The following CENPN variants were observed in gnomAD, a reference collection of about 807,000 sequenced individuals.
CENPN encodes the protein interphase centromere complex protein 32.
A neutral mutation model predicts 48.6 loss-of-function variants in CENPN; 36 were observed. That is an observed-to-expected ratio of 0.74 (90% CI 0.57 to 0.98). CENPN has a LOEUF of 0.98. CENPN is among the 50% of genes least tolerant of loss of function. CENPN has a pLI of 0.00. For missense variants in CENPN, 439 were observed against 399.2 expected (o/e 1.10, Z -0.85); for synonymous variants, 166 against 135.2 (o/e 1.23, Z -1.58).
chr16:81,010,390 G>A (rs1011140046), intron 1 of CENPN, among the ~76,000 whole-genome samples: 9 of 152,110 alleles, frequency 5.9e-5, no homozygotes, highest in African/African-American at 1.4e-4. Flanking sequence ...TCCTGCAGCC[G>A]CTAGGTCATT....
intron 9 of CENPN, among the ~76,000 whole-genome samples, chr16:81,027,918 TG>T: frequency 6.6e-6 from 1 of 152,302 alleles, no homozygotes; most frequent in South Asian, 2.1e-4. Flanking sequence ...TTGGCCAGGC[TG>T]GTCTCAAACT....
Position 81,020,264 on chromosome 16 carries a change from G to C in CENPN, c.519G>C (p.Pro173=). The change falls in exon 6 of 11, where the codon CCG becomes CCC. Residue 173 remains proline, a synonymous_variant. Transcript: ENST00000305850. ...CCTCCATGCTGAGGCGCAATACACCGCTTCTGGGTCAGGTATGGAAAAAAT... is the reference window on the plus strand; with the variant it reads ...CCTCCATGCTGAGGCGCAATACACCCCTTCTGGGTCAGGTATGGAAAAAAT... ...TSSSMLRRNT[P]LLGQALTIAS... 6.2e-7 allele frequency: 1 copy of C among 1,609,788 alleles called. No homozygotes were observed. Among genetic ancestry groups the C allele is most frequent in the Non-Finnish European group, 8.5e-7 (1 of 1,178,874 alleles).
Position 81,025,463 on chromosome 16 carries a change from T to C in CENPN, c.697+685T>C, listed in dbSNP as rs527867617. On this transcript the variant is annotated intron_variant, in intron 8 of 10. Transcript: ENST00000305850. ...AGTGCCACTGTTATAAACTAAACAC[T>C]TTTATGATTTTCCAGTGTCATAGGA... Among the ~76,000 whole-genome samples, 3 of 152,314 alleles carry C rather than the reference T, an allele frequency of 2.0e-5. No homozygotes were observed. In the East Asian group the frequency reaches 5.8e-4, roughly 29 times the overall value.
rs147964429 is a variant in CENPN at position 81,008,178 on chromosome 16, A to G, written c.-11+901A>G. Among the ~76,000 whole-genome samples, 20 of 152,240 alleles carry G rather than the reference A, an allele frequency of 1.3e-4. No individual in the cohort carries two copies. The East Asian group carries it at 3.1e-3, about 24-fold the overall frequency. The stretch of plus-strand genomic sequence containing the variant: ...GTTTACTAAAGGGATTTCCGTCTTA[A>G]TTGGTGAGACTGAGGGCGCTCTACC... On this transcript the variant is annotated intron_variant, in intron 1 of 10. Coordinates refer to ENST00000305850, the MANE Select transcript of CENPN (RefSeq NM_001100624.3).
chr16:81,026,377 A>G (rs1382211871), intron 8 of CENPN, 149 bp from the exon 9 acceptor site: 5 of 395,582 alleles, frequency 1.3e-5, no homozygotes, highest in Non-Finnish European at 2.3e-5. Flanking sequence ...ACTTCCCTAC[A>G]CTAAGAAATT....
intron 6 of CENPN, among the ~76,000 whole-genome samples, chr16:81,021,759 C>CTT (rs374473140): frequency 2.8e-5 from 4 of 144,072 alleles, no homozygotes; most frequent in Non-Finnish European, 3.1e-5. Context: ...GGCTAATGTT[C>CTT]TTTTTTTTTT....
chr16:81,028,145 A>T (rs534295880), intron 9 of CENPN, 26 bp from the exon 10 acceptor site: 17 of 1,510,348 alleles, frequency 1.1e-5, no homozygotes, highest in Non-Finnish European at 1.5e-5. Flanking sequence ...TATGTTTAAT[A>T]GTCATTTATA....
intron 1 of CENPN, among the ~76,000 whole-genome samples, chr16:81,009,920 C>G (rs1263911362): frequency 6.6e-6 from 1 of 152,184 alleles, no homozygotes; most frequent in Non-Finnish European, 1.5e-5. Flanking sequence ...GTTTGCAGAC[C>G]ACGCGCGGTG....
intron 5 of CENPN, 23 bp from the exon 6 acceptor site, chr16:81,020,077 C>CTTTTTTTTTTTTTTTTTTTT (rs10602593): frequency 9.8e-7 from 1 of 1,015,488 alleles, no homozygotes. Flanking sequence ...GAAATTAAGC[C>CTTTTTTTTTTTTTTTTTTTT]TTTTTTTTTT....
At chr16:81,011,646 C>A (rs1333226110) in intron 1 of CENPN, among the ~76,000 whole-genome samples, 1 of 152,124 alleles carries the variant, frequency 6.6e-6, no homozygotes, top group Non-Finnish European at 1.5e-5. Context: ...TAAAACACTG[C>A]AAAATAGCTG....
intron 5 of CENPN, among the ~76,000 whole-genome samples, 181 bp from the exon 6 acceptor site, chr16:81,019,919 T>C (rs1970104222): frequency 6.7e-6 from 1 of 148,512 alleles, no homozygotes; most frequent in Admixed American, 6.7e-5. Context: ...TTTTTTAAAA[T>C]CACAAAATGT....
At chr16:81,028,041 C>A (rs1161579112) in intron 9 of CENPN, 130 bp from the exon 10 acceptor site, 2 of 822,388 alleles carry the variant, frequency 2.4e-6, no homozygotes, top group African/African-American at 3.4e-5. Context: ...TTAAATGGTC[C>A]CCACCCCTGT....
chr16:81,032,614 C>G, downstream of CENPN: 1 of 1,613,670 alleles, frequency 6.2e-7, no homozygotes, highest in Non-Finnish European at 8.5e-7. Context: ...TTCTGGAAGC[C>G]ACAGTCAAGG....
At chr16:81,032,349 C>T (rs1304309175), downstream of CENPN, among the ~76,000 whole-genome samples, 1 of 152,160 alleles carries the variant, frequency 6.6e-6, no homozygotes, top group Non-Finnish European at 1.5e-5. Flanking sequence ...ATTTACTCTC[C>T]CTTATAATAA....
chr16:81,007,968 G>T (rs1180225701), intron 1 of CENPN, among the ~76,000 whole-genome samples: 1 of 151,996 alleles, frequency 6.6e-6, no homozygotes, highest in Non-Finnish European at 1.5e-5. Flanking sequence ...TTAACCGGAC[G>T]TGGTATCGGG....
Position 81,028,220 on chromosome 16 carries a change from G to C in CENPN, c.860G>C (p.Arg287Thr), listed in dbSNP as rs756957899. Residue 287 changes from arginine to threonine, a missense_variant, in exon 10 of 11, where the codon AGG (arginine) becomes ACG (threonine). Arg to Thr is a moderately conservative substitution (Grantham distance 71). Coordinates refer to ENST00000305850, the MANE Select transcript of CENPN (RefSeq NM_001100624.3). ...SGLNGSILAE[R>T]EEPLRCLIKF... ...TTAAATGGGAGCATCTTGGCTGAGA[G>C]GGAAGAACCCCTCCGATGCCTAATA... is the stretch of plus-strand genomic sequence containing the variant. 2 of 1,613,384 alleles carry C rather than the reference G, an allele frequency of 1.2e-6. No homozygotes were observed. The highest frequency in any genetic ancestry group is 1.7e-6 in the Non-Finnish European group (2 of 1,179,288).
rs1008574992 is a variant in CENPN at position 81,029,302 on chromosome 16, C to CA, written c.*657dup. 1.1e-6 allele frequency: 1 copy of CA among 939,962 alleles called. No homozygotes were observed. The highest frequency in any genetic ancestry group is 1.3e-6 in the Non-Finnish European group (1 of 788,824). 58.2% of individuals were successfully genotyped at this position (939,962 alleles called of 1,614,324 possible). On this transcript the variant is annotated 3_prime_UTR_variant, in exon 11 of 11. Transcript: ENST00000305850. The stretch of plus-strand genomic sequence containing the variant: ...TATATTGACTTATGAATAAAGGTGT[C>CA]AAAAAACTGGCACATCAGTTAATTT...
intron 2 of CENPN, among the ~76,000 whole-genome samples, chr16:81,012,785 A>G (rs946283274): frequency 6.6e-6 from 1 of 152,050 alleles, no homozygotes; most frequent in South Asian, 2.1e-4. Context: ...AGTAGAGACG[A>G]GGTTTTGCCA....
intron 9 of CENPN, among the ~76,000 whole-genome samples, chr16:81,027,428 T>C (rs1044609713): frequency 6.6e-6 from 1 of 152,136 alleles, no homozygotes; most frequent in African/African-American, 2.4e-5. Context: ...GAGGCTGCAA[T>C]GAGCCATGTT....
Sources: allele counts gnomAD v4.1 joint callset (sites outside exome capture counted in the v4.1 genomes callset), GRCh38; gene constraint gnomAD v4.1.1; transcripts MANE v1.5; gene names NCBI Gene and HGNC (gene_info 2026-07-23, HGNC 2026-07-21).